Variants in DLG2 observed in about 807,000 individuals in gnomAD.
DLG2 encodes the protein discs large MAGUK scaffold protein 2, also known as disks large homolog 2.
In DLG2, 45 loss-of-function variants were observed where a neutral mutation model predicts 132.5. The ratio of observed to expected loss-of-function variants is 0.34; its 90% CI spans 0.27 to 0.44. The LOEUF (loss-of-function observed/expected upper bound fraction) is 0.44. Among genes scored for constraint, DLG2 ranks in the 20% least tolerant of loss-of-function variants. The pLI is 1.00. For synonymous variants in DLG2, 424 were observed against 419.6 expected, an observed-to-expected ratio of 1.01 and a Z score of -0.13; for missense variants, 1,045 against 1,196.9, an observed-to-expected ratio of 0.87 and a Z score of 1.87.
At chr11:83,567,069 A>T (rs2143019446) in intron 19 of DLG2, among the ~76,000 whole-genome samples, 1 of 152,162 alleles carries the variant, frequency 6.6e-6, no homozygotes, top group Non-Finnish European at 1.5e-5. Context: ...GAAAATCATC[A>T]CCTCCTAGAA....
At chr11:84,885,218 G>A (rs970007508) in intron 6 of DLG2, among the ~76,000 whole-genome samples, 15 of 152,038 alleles carry the variant, frequency 9.9e-5, no homozygotes, top group African/African-American at 2.9e-4. Context: ...ATATTTTATC[G>A]TAAAGAACTT....
chr11:84,850,018 A>G (rs1381900578), intron 6 of DLG2, among the ~76,000 whole-genome samples: 1 of 152,094 alleles, frequency 6.6e-6, no homozygotes, highest in Admixed American at 6.6e-5. Context: ...ATTTCTAATT[A>G]TTTATTCAAT....
chr11:83,594,874 T>C (rs1252054540), intron 19 of DLG2, among the ~76,000 whole-genome samples: 2 of 152,184 alleles, frequency 1.3e-5, no homozygotes, highest in Admixed American at 1.3e-4. Context: ...AGAAATAGAA[T>C]AGGCTTAGGC....
At chr11:83,602,153 G>A (rs577358429) in intron 19 of DLG2, among the ~76,000 whole-genome samples, 24 of 152,332 alleles carry the variant, frequency 1.6e-4, no homozygotes, top group African/African-American at 3.8e-4. Flanking sequence ...GGAAATGAGC[G>A]AGTCTTTCTG....
intron 15 of DLG2, among the ~76,000 whole-genome samples, chr11:83,890,163 G>A (rs1034836120): frequency 2.6e-5 from 4 of 151,900 alleles, no homozygotes; most frequent in African/African-American, 9.7e-5. Context: ...ACTACAAAAA[G>A]CACCAATTGG....
At chr11:84,456,819 G>T (rs1016013385) in intron 7 of DLG2, among the ~76,000 whole-genome samples, 1 of 150,962 alleles carries the variant, frequency 6.6e-6, no homozygotes, top group Admixed American at 6.6e-5. Context: ...AGCCTTTTTT[G>T]CTCATTAGAT....
intron 11 of DLG2, among the ~76,000 whole-genome samples, chr11:84,053,017 A>G (rs1385096041): frequency 1.3e-5 from 2 of 152,054 alleles, no homozygotes; most frequent in African/African-American, 4.8e-5. Flanking sequence ...ATGAACCTAA[A>G]TGCCCATCAA....
intron 18 of DLG2, among the ~76,000 whole-genome samples, chr11:83,682,590 C>T (rs1197106907): frequency 6.6e-6 from 1 of 152,088 alleles, no homozygotes; most frequent in Non-Finnish European, 1.5e-5. Flanking sequence ...GCAAAGACAA[C>T]AAAATGTGGA....
At chr11:83,815,801 T>C (rs952024187) in intron 17 of DLG2, among the ~76,000 whole-genome samples, 1 of 152,218 alleles carries the variant, frequency 6.6e-6, no homozygotes, top group African/African-American at 2.4e-5. Flanking sequence ...GGAAAGTGCT[T>C]CTGATGTCTG....
intron 6 of DLG2, among the ~76,000 whole-genome samples, chr11:85,000,104 G>A (rs766901308): frequency 7.2e-5 from 11 of 152,024 alleles, no homozygotes; most frequent in South Asian, 6.2e-4. Context: ...GATTTTGTCC[G>A]TTTACCTTCC....
intron 2 of DLG2, among the ~76,000 whole-genome samples, chr11:85,611,304 C>T (rs1343633255): frequency 2.0e-5 from 3 of 152,190 alleles, no homozygotes; most frequent in Non-Finnish European, 4.4e-5. Flanking sequence ...ATACTAGGTG[C>T]CAAAGGAAGT....
intron 3 of DLG2, among the ~76,000 whole-genome samples, chr11:85,477,867 T>A (rs1193166228): frequency 6.6e-6 from 1 of 152,226 alleles, no homozygotes; most frequent in African/African-American, 2.4e-5. Context: ...TCATAGCGTT[T>A]CTTTTGTTCT....
At chr11:84,215,435 A>ATTT (rs148554094) in intron 8 of DLG2, among the ~76,000 whole-genome samples, 1 of 151,426 alleles carries the variant, frequency 6.6e-6, no homozygotes, top group African/African-American at 2.4e-5. Flanking sequence ...ACTATCAATT[A>ATTT]TTTTTTTTTC....
chr11:84,462,289 G>T (rs1291855355), intron 7 of DLG2, among the ~76,000 whole-genome samples: 1 of 150,900 alleles, frequency 6.6e-6, no homozygotes, highest in Non-Finnish European at 1.5e-5. Context: ...TCATGCAAGA[G>T]GTCCTATATC....
intron 4 of DLG2, among the ~76,000 whole-genome samples, chr11:85,202,706 C>T (rs1350075194): frequency 2.6e-5 from 4 of 151,822 alleles, no homozygotes; most frequent in Non-Finnish European, 5.9e-5. Flanking sequence ...CTTTTCTGAC[C>T]ACGATGTAAC....
In DLG2 at chr11:85,464,773, G is replaced by C. The variant is rs2092725845; in HGVS notation, c.40+133884C>G. The stretch of plus-strand genomic sequence containing the variant: ...CAGTTTAGTTTGGGAAGACAGCTTG[G>C]GGGTCAGAAGCATGATTGAGGCCAG... On this transcript the variant is annotated intron_variant, in intron 3 of 27. Transcript: ENST00000376104. 2.6e-5 allele frequency among the ~76,000 whole-genome samples: 4 copies of C among 151,538 alleles called. No individual in the cohort carries two copies. In the South Asian group the frequency reaches 8.4e-4, roughly 32 times the overall value.
At chr11:84,282,810 G>A (rs1329397233) in intron 7 of DLG2, among the ~76,000 whole-genome samples, 1 of 152,138 alleles carries the variant, frequency 6.6e-6, no homozygotes, top group Non-Finnish European at 1.5e-5. Context: ...TCTTGGTTCA[G>A]TCATTTTGCT....
At chr11:85,128,827 A>G (rs554524446) in intron 5 of DLG2, among the ~76,000 whole-genome samples, 41 of 152,278 alleles carry the variant, frequency 2.7e-4, no homozygotes, top group African/African-American at 9.6e-4. Context: ...ATTTACCTCA[A>G]TGATCATACT....
intron 19 of DLG2, among the ~76,000 whole-genome samples, chr11:83,571,592 C>CAA (rs71066051): frequency 7.6e-4 from 87 of 113,810 alleles, no homozygotes; most frequent in East Asian, 4.3e-3. Flanking sequence ...GACTCCGTCT[C>CAA]AAAAAAAAAA....
Sources: allele counts gnomAD v4.1 joint callset (sites outside exome capture counted in the v4.1 genomes callset), GRCh38; gene constraint gnomAD v4.1.1; transcripts MANE v1.5; gene names NCBI Gene and HGNC (gene_info 2026-07-23, HGNC 2026-07-21).